Variants in C11orf65 observed in about 807,000 individuals in gnomAD.
The protein encoded by C11orf65 is chromosome 11 open reading frame 65.
C11orf65 carries 38 observed loss-of-function variants against 35.3 expected under a neutral mutation model. The observed-to-expected ratio is 1.08, with a 90% confidence interval of 0.83 to 1.41. C11orf65 has a LOEUF of 1.41. Ranked by LOEUF, C11orf65 falls within the 40% of genes most tolerant of loss-of-function variation. The pLI, the probability that C11orf65 is intolerant of heterozygous loss-of-function variation, is 0.00. For missense variants in C11orf65, 370 were observed against 367.1 expected (o/e 1.01, Z -0.06); for synonymous variants, 105 against 114.4 (o/e 0.92, Z 0.53).
At chr11:108,357,566 T>G (rs374489691) in intron 2 of C11orf65, among the ~76,000 whole-genome samples, 2 of 151,852 alleles carry the variant, frequency 1.3e-5, no homozygotes, top group Non-Finnish European at 2.9e-5. Context: ...TTGAAGAGAG[T>G]AGTGGTTCTC....
intron 2 of C11orf65, among the ~76,000 whole-genome samples, chr11:108,358,106 T>C (rs1422866527): frequency 3.3e-5 from 5 of 150,818 alleles, no homozygotes; most frequent in Admixed American, 1.3e-4. Flanking sequence ...TTAAAGGAGC[T>C]GATGGAGCTG....
chr11:108,353,355 G>A (rs1591304502), intron 2 of C11orf65, among the ~76,000 whole-genome samples: 1 of 151,972 alleles, frequency 6.6e-6, no homozygotes. Flanking sequence ...CACCATGTTG[G>A]CCAGGCTGGT....
At chr11:108,425,748 A>G (rs1254291269) in intron 3 of C11orf65, among the ~76,000 whole-genome samples, 2 of 152,366 alleles carry the variant, frequency 1.3e-5, no homozygotes, top group Admixed American at 1.3e-4. Flanking sequence ...AAAATCCTCC[A>G]TAAAATACTG....
At chr11:108,389,711 G>A (rs2092100925) in intron 7 of C11orf65, among the ~76,000 whole-genome samples, 1 of 151,986 alleles carries the variant, frequency 6.6e-6, no homozygotes, top group South Asian at 2.1e-4. Context: ...ACAGAGTCTC[G>A]CTCTGTCACC....
At chr11:108,323,675 A>C (rs1041919756) in intron 6 of C11orf65, among the ~76,000 whole-genome samples, 1 of 152,216 alleles carries the variant, frequency 6.6e-6, no homozygotes, top group African/African-American at 2.4e-5. Context: ...AAATATGTAC[A>C]ACTATTATGT....
Position 108,335,939 on chromosome 11 carries a change from A to T in C11orf65, c.227-647T>A, listed in dbSNP as rs779145081. 55 of 1,612,064 alleles carry T rather than the reference A, an allele frequency of 3.4e-5. No homozygotes were observed. The East Asian group carries it at 1.2e-3, about 36-fold the overall frequency. On this transcript the variant is annotated intron_variant, in intron 2 of 3. Coordinates refer to the C11orf65 transcript ENST00000524755. ...AGAAACACGGAAACTAGGAAGAGGAAATTAACTATCTGTACTTATAAGGTA... is the reference window on the plus strand; with the variant it reads ...AGAAACACGGAAACTAGGAAGAGGATATTAACTATCTGTACTTATAAGGTA...
downstream of C11orf65, chr11:108,329,179 C>T (rs750513866): frequency 6.2e-7 from 1 of 1,613,966 alleles, no homozygotes; most frequent in Non-Finnish European, 8.5e-7. Flanking sequence ...AGCAAGCTCT[C>T]CTGAAAAGAG....
At chr11:108,315,862 G>A (rs2136119479) in intron 6 of C11orf65, 1 of 1,613,532 alleles carries the variant, frequency 6.2e-7, no homozygotes, top group Non-Finnish European at 8.5e-7. Flanking sequence ...AGGGGAGCCA[G>A]ATAGTTTGTA....
chr11:108,368,082 A>G (rs2091425189), intron 2 of C11orf65: 1 of 208,316 alleles, frequency 4.8e-6, no homozygotes, highest in African/African-American at 2.3e-5. Context: ...CTTGCATGGT[A>G]TGCTATGAGG....
chr11:108,461,472 A>C lies in C11orf65; in HGVS notation c.81+7T>G, dbSNP rs2093472483. 2.5e-6 allele frequency: 4 copies of C among 1,587,616 alleles called. No homozygotes were observed. Among genetic ancestry groups the C allele is most frequent in the Non-Finnish European group, 3.4e-6 (4 of 1,162,854 alleles). On this transcript the variant is annotated splice_region_variant and intron_variant, in intron 2 of 8. Transcript: ENST00000393084. Reference sequence around the variant, plus strand: ...TATATTTCAATAAAACTTCTAAATAAACTCACAAGGAAACTTTTCCAGGCC... The same window carrying C: ...TATATTTCAATAAAACTTCTAAATACACTCACAAGGAAACTTTTCCAGGCC...
intron 7 of C11orf65, among the ~76,000 whole-genome samples, chr11:108,389,774 A>G (rs890192847): frequency 1.4e-5 from 2 of 148,072 alleles, no homozygotes; most frequent in African/African-American, 5.0e-5. Flanking sequence ...CTGCCTCCCA[A>G]TGGCATGAAT....
chr11:108,335,783 G>A (rs1376291526), intron 2 of C11orf65: 2 of 1,352,470 alleles, frequency 1.5e-6, no homozygotes, highest in East Asian at 4.7e-5. Flanking sequence ...ATTCTCAGAT[G>A]ACTCTGTGTT....
intron 6 of C11orf65, chr11:108,321,183 G>A: frequency 1.5e-6 from 2 of 1,332,476 alleles, no homozygotes; most frequent in East Asian, 2.4e-5. Flanking sequence ...TTGCTTGTTA[G>A]TATTATTAGA....
intron 2 of C11orf65, chr11:108,346,500 T>C (rs2088416704): frequency 7.1e-6 from 1 of 141,534 alleles, no homozygotes; most frequent in African/African-American, 2.6e-5. Flanking sequence ...CTATTTGTTG[T>C]TTTTTTTTTT....
intron 2 of C11orf65, among the ~76,000 whole-genome samples, chr11:108,445,665 A>G (rs2093242797): frequency 6.6e-6 from 1 of 152,130 alleles, no homozygotes; most frequent in African/African-American, 2.4e-5. Flanking sequence ...AACCACAAAG[A>G]TGGGGAAAAA....
chr11:108,432,509 T>G (rs2093003801), intron 2 of C11orf65, among the ~76,000 whole-genome samples: 1 of 152,182 alleles, frequency 6.6e-6, no homozygotes, highest in Non-Finnish European at 1.5e-5. Flanking sequence ...TAGTGCAAAT[T>G]TAGCTAAACA....
intron 6 of C11orf65, among the ~76,000 whole-genome samples, chr11:108,314,592 A>G (rs1482682086): frequency 6.6e-6 from 1 of 152,092 alleles, no homozygotes; most frequent in African/African-American, 2.4e-5. Context: ...TTGCTGATCC[A>G]AATCATTAGT....
chr11:108,436,237 G>A (rs566005842), intron 2 of C11orf65, among the ~76,000 whole-genome samples: 135 of 152,200 alleles, frequency 8.9e-4, no homozygotes, highest in African/African-American at 3.0e-3. Flanking sequence ...CTCTGCTGAC[G>A]CTTGATTTTA....
chr11:108,408,697 A>ATAAAATAAAAAAT (rs1389353202), intron 3 of C11orf65, among the ~76,000 whole-genome samples: 970 of 106,268 alleles, frequency 9.1e-3, no homozygotes, highest in East Asian at 0.015. Context: ...ATAAAATAAA[A>ATAAAATAAAAAAT]TAAAATAAAA....
Sources: allele counts gnomAD v4.1 joint callset (sites outside exome capture counted in the v4.1 genomes callset), GRCh38; gene constraint gnomAD v4.1.1; transcripts MANE v1.5; gene names NCBI Gene and HGNC (gene_info 2026-07-23, HGNC 2026-07-21).